FAF1: variants seen among roughly 807,000 people sequenced by gnomAD.
FAF1 encodes the protein Fas associated factor 1.
FAF1 carries 25 observed loss-of-function variants against 92.5 expected under a neutral mutation model. The observed-to-expected ratio is 0.27, with a 90% CI of 0.20 to 0.38. FAF1 has a LOEUF of 0.38. Among genes scored for constraint, FAF1 ranks in the 10% least tolerant of loss-of-function variants. The pLI, the probability that FAF1 is intolerant of heterozygous loss-of-function variation, is 1.00. For missense variants in FAF1, 636 were observed against 793.3 expected, an observed-to-expected ratio of 0.80 and a Z score of 2.38; for synonymous variants, 234 against 273.2, an observed-to-expected ratio of 0.86 and a Z score of 1.42.
intron 2 of FAF1, among the ~76,000 whole-genome samples, chr1:50,806,713 G>A (rs1471012431): frequency 6.6e-6 from 1 of 152,142 alleles, no homozygotes; most frequent in Non-Finnish European, 1.5e-5. Flanking sequence ...GAATGCCGGG[G>A]GCCTGGTGTC....
chr1:50,473,756 C>T (rs1479070987), intron 18 of FAF1, among the ~76,000 whole-genome samples: 1 of 152,214 alleles, frequency 6.6e-6, no homozygotes, highest in Admixed American at 6.5e-5. Context: ...GGATCCACTA[C>T]AGTCTCCTGG....
Position 50,746,725 on chromosome 1 carries a change from A to G in FAF1, c.368-1950T>C, listed in dbSNP as rs368229489. On this transcript the variant is annotated intron_variant, in intron 4 of 18. Transcript: ENST00000396153. ...ATTCAAGCGGGCTGCAGAAGTTTAC[A>G]TAAGTAAAGAAAAGCCAAGTGCTGA... 3.2e-4 allele frequency among the ~76,000 whole-genome samples: 49 copies of G among 152,348 alleles called. No homozygotes were observed. The East Asian group carries it at 9.1e-3, about 28-fold the overall frequency.
intron 1 of FAF1, among the ~76,000 whole-genome samples, chr1:50,930,770 T>A (rs1056491044): frequency 2.6e-5 from 4 of 152,034 alleles, no homozygotes; most frequent in African/African-American, 7.2e-5. Context: ...GCCACTGCAC[T>A]CCAGCCTGGG....
chr1:50,725,418 C>T (rs1262846334), intron 6 of FAF1, among the ~76,000 whole-genome samples: 1 of 152,136 alleles, frequency 6.6e-6, no homozygotes, highest in Non-Finnish European at 1.5e-5. Flanking sequence ...ATCTGCTTTC[C>T]CACCAATGGT....
At chr1:50,839,971 A>G (rs962267604) in intron 2 of FAF1, among the ~76,000 whole-genome samples, 4 of 152,070 alleles carry the variant, frequency 2.6e-5, no homozygotes, top group African/African-American at 9.7e-5. Context: ...CTGATGTTCA[A>G]TAAGGGACAA....
intron 4 of FAF1, among the ~76,000 whole-genome samples, chr1:50,768,129 C>G (rs191296348): frequency 6.6e-6 from 1 of 152,026 alleles, no homozygotes; most frequent in Non-Finnish European, 1.5e-5. Flanking sequence ...GAAAACAGAA[C>G]AAAACAGGGG....
Position 50,959,884 on chromosome 1 carries a change from TCGCCGCCACCGCCGC to T in FAF1, c.-88_-74del, listed in dbSNP as rs1324447455. 10 of 1,103,468 alleles carry T rather than the reference TCGCCGCCACCGCCGC, an allele frequency of 9.1e-6. No homozygotes were observed. The highest frequency in any genetic ancestry group is 8.3e-5 in the African/African-American group (5 of 60,366). 68.4% of individuals were successfully genotyped at this position (1,103,468 alleles called of 1,614,324 possible). The stretch of plus-strand genomic sequence containing the variant: ...AGGCAGACGGCACCTCCTGCGACCG[TCGCCGCCACCGCCGC>T]CGCCGCCGCCGGGCGCCGAGGGGCT... On this transcript the variant is annotated 5_prime_UTR_variant, in exon 1 of 19. Transcript: ENST00000396153.
chr1:50,847,286 G>A (rs190178304), intron 2 of FAF1, among the ~76,000 whole-genome samples: 23 of 152,100 alleles, frequency 1.5e-4, no homozygotes, highest in African/African-American at 3.9e-4. Context: ...AACAGACTGA[G>A]ATAGGACACA....
chr1:50,708,942 T>C (rs1657802855), intron 6 of FAF1, among the ~76,000 whole-genome samples: 1 of 152,208 alleles, frequency 6.6e-6, no homozygotes, highest in Admixed American at 6.5e-5. Context: ...GAAGGCTGCG[T>C]GAGAGAAGTC....
intron 7 of FAF1, among the ~76,000 whole-genome samples, chr1:50,694,527 G>A (rs74905420): frequency 1.4e-3 from 218 of 150,592 alleles, no homozygotes; most frequent in African/African-American, 5.1e-3. Context: ...TAATGATTAT[G>A]GATCTCTTCT....
intron 12 of FAF1, among the ~76,000 whole-genome samples, chr1:50,576,583 G>A (rs1278328735): frequency 2.0e-5 from 3 of 151,960 alleles, no homozygotes; most frequent in Non-Finnish European, 1.5e-5. Flanking sequence ...GGGACAGTAG[G>A]CATGAGAGGT....
chr1:50,486,886 C>T (rs1646775680), intron 17 of FAF1, among the ~76,000 whole-genome samples: 1 of 152,126 alleles, frequency 6.6e-6, no homozygotes, highest in African/African-American at 2.4e-5. Context: ...AAAGGCAGTA[C>T]TCAGGAAGGC....
intron 8 of FAF1, among the ~76,000 whole-genome samples, chr1:50,604,459 G>C (rs1357738391): frequency 1.3e-5 from 2 of 152,194 alleles, no homozygotes; most frequent in African/African-American, 4.8e-5. Context: ...TCTGCTTAAT[G>C]ATAGCACAAG....
intron 7 of FAF1, among the ~76,000 whole-genome samples, chr1:50,696,053 TC>T (rs1386787783): frequency 6.6e-6 from 1 of 151,588 alleles, no homozygotes; most frequent in Admixed American, 6.6e-5. Context: ...TGAAAACAAT[TC>T]AAATTATATA....
chr1:50,464,768 A>G (rs1646474240), intron 18 of FAF1, among the ~76,000 whole-genome samples: 1 of 152,210 alleles, frequency 6.6e-6, no homozygotes, highest in Non-Finnish European at 1.5e-5. Flanking sequence ...GTGAGGACAC[A>G]TGACATTATC....
chr1:50,889,156 G>T lies in FAF1; in HGVS notation c.46-31159C>A, dbSNP rs1476137109. ...GATTTTCTAGTTTATTTGCGTAGAGGTGTTTACAGTATTCTCTGATGGTAG... is the reference window on the plus strand; with the variant it reads ...GATTTTCTAGTTTATTTGCGTAGAGTTGTTTACAGTATTCTCTGATGGTAG... On this transcript the variant is annotated intron_variant, in intron 1 of 18. Coordinates refer to ENST00000396153, the MANE Select transcript of FAF1 (RefSeq NM_007051.3). 2.6e-5 allele frequency among the ~76,000 whole-genome samples: 4 copies of T among 152,204 alleles called. No individual in the cohort carries two copies. In the East Asian group the frequency reaches 5.8e-4, roughly 22 times the overall value.
intron 1 of FAF1, among the ~76,000 whole-genome samples, chr1:50,902,968 G>T (rs917729595): frequency 2.0e-5 from 3 of 151,964 alleles, no homozygotes; most frequent in African/African-American, 7.2e-5. Context: ...TACACAATTT[G>T]GGTGTTATTT....
chr1:50,861,076 T>C (rs752019257), intron 1 of FAF1, among the ~76,000 whole-genome samples: 6 of 151,792 alleles, frequency 4.0e-5, no homozygotes, highest in African/African-American at 1.5e-4. Context: ...ACTGCACTAC[T>C]AGAATGGGGA....
intron 6 of FAF1, among the ~76,000 whole-genome samples, chr1:50,716,236 A>C (rs1183850215): frequency 6.6e-6 from 1 of 152,186 alleles, no homozygotes; most frequent in Non-Finnish European, 1.5e-5. Flanking sequence ...TTGAACCAAT[A>C]ATAATCACAG....
Sources: gnomAD v4.1 joint callset for allele counts (sites outside exome capture counted in the v4.1 genomes callset) on GRCh38, gnomAD v4.1.1 for gene constraint, MANE v1.5 for transcripts, NCBI Gene and HGNC (gene_info 2026-07-23, HGNC 2026-07-21) for gene names.